The following KIT variants were observed in gnomAD, a reference collection of about 807,000 sequenced individuals.
The protein encoded by KIT is KIT proto-oncogene, receptor tyrosine kinase.
A neutral mutation model predicts 105.7 loss-of-function variants in KIT; 16 were observed. That is an observed-to-expected ratio of 0.15 (90% CI 0.10 to 0.23). The LOEUF is 0.23. Ranked by LOEUF, KIT falls within the 10% of genes least tolerant of loss-of-function variation. The pLI, the probability that KIT is intolerant of heterozygous loss-of-function variation, is 1.00. For synonymous variants in KIT, 438 were observed against 441.1 expected, an observed-to-expected ratio of 0.99 and a Z score of 0.09; for missense variants, 858 against 1,213.8, an observed-to-expected ratio of 0.71 and a Z score of 4.36.
rs778802467 is a variant in KIT, at chr4:54,695,618, C to T, written c.174C>T (p.Cys58=). ...TGGGCGACGAGATTAGGCTGTTATGCACTGATCCGGGCTTTGTCAAATGGA... is the reference window on the plus strand; with the variant it reads ...TGGGCGACGAGATTAGGCTGTTATGTACTGATCCGGGCTTTGTCAAATGGA... ...VRVGDEIRLL[C]TDPGFVKWTF... Residue 58 remains cysteine (C), a synonymous_variant, in exon 2 of 21, where the codon TGC becomes TGT. Coordinates refer to ENST00000288135, the MANE Select transcript of KIT (RefSeq NM_000222.3). 3 of 1,614,220 alleles carry T rather than the reference C, an allele frequency of 1.9e-6. No homozygotes were observed. The highest frequency in any genetic ancestry group is 2.2e-5 in the East Asian group (1 of 44,882).
intron 4 of KIT, among the ~76,000 whole-genome samples, chr4:54,702,886 C>T (rs2109690029): frequency 6.6e-6 from 1 of 152,242 alleles, no homozygotes; most frequent in South Asian, 2.1e-4. Flanking sequence ...CTATTAGCTC[C>T]TTTTACTTTA....
At position 54,699,518 on chromosome 4, in the gene KIT, T is replaced by G. The variant is rs552001580; in HGVS notation, c.620-112T>G. On this transcript the variant is annotated intron_variant, in intron 3 of 20. Transcript: ENST00000288135. ...AGATAGGTTAGCACCATGCTTTGTA[T>G]TTTATTTAAAAGATGACAAAGTAAG... The G allele has an allele frequency of 1.1e-4, 135 of 1,229,862 alleles. 1 individual carries two copies. In the South Asian group the frequency reaches 1.6e-3, roughly 15 times the overall value. 76.2% of individuals were successfully genotyped at this position (1,229,862 alleles called of 1,614,324 possible). A position where few individuals can be genotyped will look rare whatever the true frequency, so the allele number is the denominator to read the frequency against.
At position 54,662,486 on chromosome 4, in the gene KIT, C is replaced by T. The variant is rs151241417; in HGVS notation, c.67+4405C>T. On this transcript the variant is annotated intron_variant, in intron 1 of 20. Coordinates refer to ENST00000288135, the MANE Select transcript of KIT (RefSeq NM_000222.3). ...CTCAATATGTGTTAGCCATAATTATCGTCTGTAAAACAGGAATTATTATTG... is the reference window on the plus strand; with the variant it reads ...CTCAATATGTGTTAGCCATAATTATTGTCTGTAAAACAGGAATTATTATTG... 7.1e-3 allele frequency among the ~76,000 whole-genome samples: 1,080 copies of T among 152,256 alleles called. 17 individuals are homozygous for T. The highest frequency in any genetic ancestry group is 6.9e-3 in the Non-Finnish European group (467 of 68,018).
intron 1 of KIT, among the ~76,000 whole-genome samples, chr4:54,689,270 A>G (rs138854920): frequency 2.5e-4 from 38 of 152,358 alleles, no homozygotes; most frequent in Non-Finnish European, 3.8e-4. Flanking sequence ...TGTGCACTTT[A>G]TACATGTAAT....
chr4:54,734,949 G>A (rs116672399), intron 17 of KIT, among the ~76,000 whole-genome samples: 2,899 of 152,242 alleles, frequency 0.019, 96 homozygotes, highest in African/African-American at 0.066. Context: ...ACTATAGAGT[G>A]TAACAGGCTC....
At chr4:54,674,653 A>C (rs770772751) in intron 1 of KIT, among the ~76,000 whole-genome samples, 1 of 152,230 alleles carries the variant, frequency 6.6e-6, no homozygotes, top group Non-Finnish European at 1.5e-5. Context: ...GCTTTTCAAA[A>C]TGATTTGCTT....
Position 54,678,342 on chromosome 4 carries a change from TTCCTTCCTTCCCTCCCTCCC to T in KIT, c.68-17166_68-17147del, listed in dbSNP as rs1169648715. Among the ~76,000 whole-genome samples, 381 of 93,630 alleles carry T rather than the reference TTCCTTCCTTCCCTCCCTCCC, an allele frequency of 4.1e-3. 4 individuals carry two copies. Among genetic ancestry groups the T allele is most frequent in the African/African-American group, 0.024 (365 of 15,306 alleles). The allele number at this position is 93,630 out of a possible 152,430, so 61.4% of individuals were successfully genotyped here. On this transcript the variant is annotated intron_variant, in intron 1 of 20. Transcript: ENST00000288135. ...CTTCCTTCCTTCCTTCCTTCCTTCC[TTCCTTCCTTCCCTCCCTCCC>T]TCCCTCCCTCCCTCCCCCAATCCCT...
At chr4:54,708,605 G>C (rs1377054404) in intron 6 of KIT, among the ~76,000 whole-genome samples, 1 of 152,140 alleles carries the variant, frequency 6.6e-6, no homozygotes, top group African/African-American at 2.4e-5. Context: ...CTGTAGAGGA[G>C]ACATGGTACA....
intron 1 of KIT, among the ~76,000 whole-genome samples, chr4:54,667,601 T>G (rs1717795503): frequency 1.3e-5 from 2 of 152,156 alleles, no homozygotes; most frequent in South Asian, 4.1e-4. Flanking sequence ...AAGCAAAGGT[T>G]AGAGTTAGCC....
At chr4:54,731,289 C>A in intron 14 of KIT, 39 bp from the exon 15 acceptor site, 4 of 1,423,264 alleles carry the variant, frequency 2.8e-6, no homozygotes, top group Non-Finnish European at 4.0e-6. Flanking sequence ...TTCTACATGT[C>A]CCACTTGATT....
At position 54,740,210 on chromosome 4, in the gene KIT, A is replaced by T. The variant is rs1723165639; in HGVS notation, c.*1653A>T. On this transcript the variant is annotated 3_prime_UTR_variant, in exon 21 of 21. Transcript: ENST00000288135. ...CCGTTATCTGGAAGTAACCATTTGC[A>T]CTGGAGTTCTATGCTCTCGCACCTT... The T allele has an allele frequency of 4.3e-6, 1 of 233,488 alleles. No individual in the cohort carries two copies. Among genetic ancestry groups the T allele is most frequent in the African/African-American group, 2.2e-5 (1 of 45,340 alleles). The allele number at this position is 233,488 out of a possible 1,614,324, so 14.5% of individuals were successfully genotyped here.
rs1723194005 is a variant in KIT, at chr4:54,740,694, A to G, written c.*2137A>G. 1 of 230,626 alleles carries G rather than the reference A, an allele frequency of 4.3e-6. No individual in the cohort carries two copies. The highest frequency in any genetic ancestry group is 2.2e-5 in the African/African-American group (1 of 45,188). 14.3% of individuals were successfully genotyped at this position (230,626 alleles called of 1,614,324 possible). A position where few individuals can be genotyped will look rare whatever the true frequency, so the allele number is the denominator to read the frequency against. ...GTTGACAGTTCTGAAGAATTCTAAT[A>G]AAATGTACATATATAAATCAAGTGG... On this transcript the variant is annotated 3_prime_UTR_variant, in exon 21 of 21. Coordinates refer to ENST00000288135, the MANE Select transcript of KIT (RefSeq NM_000222.3).
At chr4:54,738,358 T>C in intron 20 of KIT, 71 bp from the exon 21 acceptor site, 1 of 1,563,402 alleles carries the variant, frequency 6.4e-7, no homozygotes, top group Non-Finnish European at 8.8e-7. Flanking sequence ...ATCTTGACAC[T>C]GTAAGTATGC....
At chr4:54,695,900 G>C in intron 2 of KIT, 119 bp downstream of exon 2, 1 of 1,162,292 alleles carries the variant, frequency 8.6e-7, no homozygotes, top group Non-Finnish European at 1.2e-6. Context: ...GGTCTAGAAG[G>C]CCTAAAACAC....
chr4:54,677,043 G>A (rs1370903965), intron 1 of KIT, among the ~76,000 whole-genome samples: 1 of 152,142 alleles, frequency 6.6e-6, no homozygotes, highest in South Asian at 2.1e-4. Context: ...TATTGCTGAT[G>A]TGGAGTTAAA....
At chr4:54,721,283 G>T (rs991813537) in intron 7 of KIT, among the ~76,000 whole-genome samples, 41 of 152,310 alleles carry the variant, frequency 2.7e-4, no homozygotes, top group Non-Finnish European at 1.3e-4. Context: ...TAGAAAAGGA[G>T]GTGACACTTA....
intron 4 of KIT, among the ~76,000 whole-genome samples, chr4:54,700,795 T>A (rs889823273): frequency 2.0e-5 from 3 of 152,260 alleles, no homozygotes; most frequent in Non-Finnish European, 2.9e-5. Flanking sequence ...ATGATATTCA[T>A]GTAGACCTGT....
At position 54,670,235 on chromosome 4, in the gene KIT, G is replaced by A. The variant is rs117214240; in HGVS notation, c.67+12154G>A. On this transcript the variant is annotated intron_variant, in intron 1 of 20. Coordinates refer to ENST00000288135, the MANE Select transcript of KIT (RefSeq NM_000222.3). ...CTGAGAGAGATGTTTCAGGGTCCAG[G>A]CTAGATGCTCTTTGGTATCTCTCCA... Among the ~76,000 whole-genome samples, 19 of 152,300 alleles carry A rather than the reference G, an allele frequency of 1.2e-4. No individual in the cohort carries two copies. In the East Asian group the frequency reaches 3.7e-3, roughly 29 times the overall value.
rs1180138732 is a variant in KIT at position 54,739,528 on chromosome 4, G to A, written c.*971G>A. On this transcript the variant is annotated 3_prime_UTR_variant, in exon 21 of 21. Transcript: ENST00000288135. ...TTTGATGCTGTTTGACAAAGTTACT[G>A]ATTCACTGCATGGCTCCCACAGGAG... The A allele has an allele frequency of 1.3e-5, 3 of 233,434 alleles. No homozygotes were observed. Among genetic ancestry groups the A allele is most frequent in the African/African-American group, 2.2e-5 (1 of 45,332 alleles). 14.5% of individuals were successfully genotyped at this position (233,434 alleles called of 1,614,324 possible).
Sources: gnomAD v4.1 joint callset for allele counts (sites outside exome capture counted in the v4.1 genomes callset) on GRCh38, gnomAD v4.1.1 for gene constraint, MANE v1.5 for transcripts, NCBI Gene and HGNC (gene_info 2026-07-23, HGNC 2026-07-21) for gene names.